Variants in EPHB1 observed in about 807,000 individuals in gnomAD.
EPHB1 encodes ephrin type-B receptor 1.
A neutral mutation model predicts 94.4 loss-of-function variants in EPHB1; 30 were observed. That is an observed-to-expected ratio of 0.32 (90% CI 0.24 to 0.43). EPHB1 has a LOEUF of 0.43. EPHB1 is among the 20% of genes least tolerant of loss of function. The probability of loss-of-function intolerance (pLI) is 1.00; values close to 1 mark genes in which losing one functional copy is unlikely to be tolerated. For synonymous variants in EPHB1, 522 were observed against 489.1 expected (o/e 1.07, Z -0.89); for missense variants, 1,055 against 1,308.3 (o/e 0.81, Z 2.99).
intron 3 of EPHB1, among the ~76,000 whole-genome samples, chr3:135,058,696 TC>T (rs1937411604): frequency 6.6e-6 from 1 of 152,216 alleles, no homozygotes; most frequent in Non-Finnish European, 1.5e-5. Context: ...CATTGACTGT[TC>T]CCTGCAGTAC....
chr3:135,245,313 A>C (rs2107729800), intron 13 of EPHB1, among the ~76,000 whole-genome samples: 1 of 152,322 alleles, frequency 6.6e-6, no homozygotes, highest in South Asian at 2.1e-4. Flanking sequence ...ATAGGTAATA[A>C]GAAATGGAAC....
intron 12 of EPHB1, among the ~76,000 whole-genome samples, chr3:135,219,152 G>GC (rs892498170): frequency 1.3e-5 from 2 of 152,144 alleles, no homozygotes; most frequent in Non-Finnish European, 2.9e-5. Context: ...TACTTGATGT[G>GC]CTTACTGGAT....
chr3:135,154,173 T>C lies in EPHB1; in HGVS notation c.1319T>C (p.Met440Thr), dbSNP rs746234172. 1 of 1,614,022 alleles carries C rather than the reference T, an allele frequency of 6.2e-7. No homozygotes were observed. Among genetic ancestry groups the C allele is most frequent in the South Asian group, 1.1e-5 (1 of 91,088 alleles). Residue 440 changes from methionine (M) to threonine (T), a missense_variant, in exon 6 of 16, where the codon ATG (methionine) becomes ACG (threonine). Coordinates refer to ENST00000398015, the MANE Select transcript of EPHB1 (RefSeq NM_004441.5). ...NQAAPSTVPIMHQVSATMRSI... is the reference protein window; with the variant it reads ...NQAAPSTVPITHQVSATMRSI... Reference sequence around the variant, plus strand: ...ACAGCCCCCTCCACCGTTCCCATCATGCACCAAGTCAGTGCCACTATGAGG... The same window carrying C: ...ACAGCCCCCTCCACCGTTCCCATCACGCACCAAGTCAGTGCCACTATGAGG...
At chr3:135,157,254 C>T (rs751519843) in intron 6 of EPHB1, among the ~76,000 whole-genome samples, 6 of 152,146 alleles carry the variant, frequency 3.9e-5, no homozygotes, top group Admixed American at 6.5e-5. Context: ...CTTCATCTGC[C>T]GTGCTCAGAG....
At chr3:135,185,722 G>A (rs116726532) in intron 10 of EPHB1, among the ~76,000 whole-genome samples, 3,071 of 152,288 alleles carry the variant, frequency 0.02, 46 homozygotes, top group Non-Finnish European at 0.028. Flanking sequence ...GGGCTGTTGC[G>A]TATAGTTACA....
At chr3:134,887,168 A>G (rs778615590) in intron 1 of EPHB1, among the ~76,000 whole-genome samples, 10 of 151,972 alleles carry the variant, frequency 6.6e-5, no homozygotes, top group Non-Finnish European at 1.3e-4. Context: ...TAGGGTTGGG[A>G]GCTCCAAACT....
At chr3:135,027,580 G>A (rs1416681874) in intron 3 of EPHB1, among the ~76,000 whole-genome samples, 6 of 150,778 alleles carry the variant, frequency 4.0e-5, no homozygotes, top group African/African-American at 1.5e-4. Context: ...TGATCATGGT[G>A]CATAAGCTTT....
intron 4 of EPHB1, among the ~76,000 whole-genome samples, chr3:135,115,158 A>G (rs769535650): frequency 6.6e-6 from 1 of 152,188 alleles, no homozygotes. Flanking sequence ...AAGTGCATCC[A>G]TGTAATCTAC....
At chr3:135,217,444 A>G (rs1413440505) in intron 12 of EPHB1, among the ~76,000 whole-genome samples, 3 of 147,372 alleles carry the variant, frequency 2.0e-5, no homozygotes, top group Non-Finnish European at 4.5e-5. Flanking sequence ...ACACACACAC[A>G]CACACACACA....
chr3:134,898,441 C>G (rs531804259), intron 1 of EPHB1, among the ~76,000 whole-genome samples: 12 of 152,114 alleles, frequency 7.9e-5, no homozygotes, highest in Admixed American at 5.2e-4. Flanking sequence ...TTTTCTGACC[C>G]TGTCATCTAA....
chr3:135,080,873 A>G (rs1008334930), intron 3 of EPHB1, among the ~76,000 whole-genome samples: 9 of 152,216 alleles, frequency 5.9e-5, no homozygotes, highest in Non-Finnish European at 1.0e-4. Flanking sequence ...GTCCTTGCCC[A>G]TGATGATTAT....
Position 135,050,002 on chromosome 3 carries a change from C to T in EPHB1, c.806-56446C>T, listed in dbSNP as rs140662283. Reference sequence around the variant, plus strand: ...AGCCCCACCCTGGGCATGGTGCCTGCCTCCTCTTACCTTTTTGTCTTCACA... The same window carrying T: ...AGCCCCACCCTGGGCATGGTGCCTGTCTCCTCTTACCTTTTTGTCTTCACA... On this transcript the variant is annotated intron_variant, in intron 3 of 15. Coordinates refer to ENST00000398015, the MANE Select transcript of EPHB1 (RefSeq NM_004441.5). Among the ~76,000 whole-genome samples, 501 of 152,268 alleles carry T rather than the reference C, an allele frequency of 3.3e-3. 1 individual carries two copies. Among genetic ancestry groups the T allele is most frequent in the African/African-American group, 0.011 (463 of 41,558 alleles).
intron 9 of EPHB1, among the ~76,000 whole-genome samples, chr3:135,173,276 C>T (rs1576444991): frequency 6.6e-6 from 1 of 151,984 alleles, no homozygotes; most frequent in Non-Finnish European, 1.5e-5. Context: ...CCTCGTGATC[C>T]GCCCGCCTCG....
At chr3:135,242,709 G>A (rs1477784498) in intron 13 of EPHB1, among the ~76,000 whole-genome samples, 1 of 152,138 alleles carries the variant, frequency 6.6e-6, no homozygotes, top group Admixed American at 6.5e-5. Context: ...TTAGTGCAAA[G>A]CCTGCTTTTA....
chr3:134,914,020 C>T (rs556996483), intron 1 of EPHB1, among the ~76,000 whole-genome samples: 2 of 152,244 alleles, frequency 1.3e-5, no homozygotes, highest in African/African-American at 4.8e-5. Flanking sequence ...GTACCGAGAG[C>T]CCACATCTGT....
chr3:134,805,529 A>C (rs1483889344), intron 1 of EPHB1, among the ~76,000 whole-genome samples: 1 of 152,088 alleles, frequency 6.6e-6, no homozygotes, highest in Non-Finnish European at 1.5e-5. Flanking sequence ...ACCTGGGTCC[A>C]CCTTGCCTCC....
At chr3:135,208,131 G>C (rs1399637324) in intron 12 of EPHB1, among the ~76,000 whole-genome samples, 1 of 152,198 alleles carries the variant, frequency 6.6e-6, no homozygotes, top group East Asian at 1.9e-4. Flanking sequence ...TGTGGCAAGA[G>C]GGAAGATGGA....
chr3:135,215,471 C>G (rs1290645392), intron 12 of EPHB1, among the ~76,000 whole-genome samples: 1 of 152,052 alleles, frequency 6.6e-6, no homozygotes, highest in Non-Finnish European at 1.5e-5. Flanking sequence ...CCCAGATGTA[C>G]ATTTTAAAGC....
In EPHB1 at chr3:135,173,120, C is replaced by T. The variant is rs1041398114; in HGVS notation, c.1759+6114C>T. On this transcript the variant is annotated intron_variant, in intron 9 of 15. Coordinates refer to ENST00000398015, the MANE Select transcript of EPHB1 (RefSeq NM_004441.5). ...CGGGATCTCAGCTCACTGCAAGCTC[C>T]GCCTCCCGGGTTCACGCCATTCTCC... is the stretch of plus-strand genomic sequence containing the variant. Among the ~76,000 whole-genome samples, 20 of 150,890 alleles carry T rather than the reference C, an allele frequency of 1.3e-4. No homozygotes were observed. The East Asian group carries it at 2.1e-3, about 16-fold the overall frequency.
Sources: gnomAD v4.1 joint callset for allele counts (sites outside exome capture counted in the v4.1 genomes callset) on GRCh38, gnomAD v4.1.1 for gene constraint, MANE v1.5 for transcripts, NCBI Gene and HGNC (gene_info 2026-07-23, HGNC 2026-07-21) for gene names.